The following RPP21 variants were observed in gnomAD, a reference collection of about 807,000 sequenced individuals.
The protein encoded by RPP21 is ribonuclease P protein subunit p21.
A neutral mutation model predicts 19.0 loss-of-function variants in RPP21; 21 were observed. That is an observed-to-expected ratio of 1.11 (90% CI 0.78 to 1.59). The LOEUF is 1.59. Ranked by LOEUF, RPP21 falls within the 40% of genes most tolerant of loss-of-function variation. The pLI is 0.00. For synonymous variants in RPP21, 93 were observed against 78.7 expected, an observed-to-expected ratio of 1.18 and a Z score of -0.96; for missense variants, 215 against 200.2, an observed-to-expected ratio of 1.07 and a Z score of -0.45.
In RPP21 at chr6:30,345,209, G is replaced by A. The variant is rs770064519; in HGVS notation, c.38G>A (p.Arg13Lys). ...GPVKDREAFQRLNFLYQAAHC... is the reference protein window; with the variant it reads ...GPVKDREAFQKLNFLYQAAHC... ...GTGAAGGACCGCGAGGCCTTCCAGA[G>A]GCTCAACTTCCTGTACCAGGTGAGT... Residue 13 changes from arginine to lysine, a missense_variant, in exon 1 of 5, where the codon AGG becomes AAG. Coordinates refer to ENST00000442966, the MANE Select transcript of RPP21 (RefSeq NM_024839.4). 21 of 1,594,432 alleles carry A rather than the reference G, an allele frequency of 1.3e-5. No individual in the cohort carries two copies. Among genetic ancestry groups the A allele is most frequent in the Non-Finnish European group, 1.7e-5 (20 of 1,170,600 alleles).
intron 3 of RPP21, 25 bp downstream of exon 3, chr6:30,345,598 G>C: frequency 7.9e-7 from 1 of 1,260,026 alleles, no homozygotes; most frequent in South Asian, 1.3e-5. Context: ...GGAGGTGGAA[G>C]ACTGCGGAGC....
Position 30,346,789 on chromosome 6 carries a change from T to G in RPP21, c.444T>G (p.Thr148=), listed in dbSNP as rs1060065. ...SDRLPEEKMQ[T]QGSSNQ is the part of the protein sequence containing the mutation. ...GCCTTCCTGAGGAGAAAATGCAGACTCAGGGTTCCAGTAACCAGTGATGGA... is the reference window on the plus strand; with the variant it reads ...GCCTTCCTGAGGAGAAAATGCAGACGCAGGGTTCCAGTAACCAGTGATGGA... Residue 148 remains threonine, a synonymous_variant, in exon 5 of 5, where the codon ACT becomes ACG. Transcript: ENST00000442966. This position sits in a 1 kb window ranked among gnomAD's most constrained non-coding sequence, Gnocchi z 4.7. The G allele has an allele frequency of 0.25, 406,116 of 1,612,646 alleles. 56,259 individuals are homozygous for G. The highest frequency in any genetic ancestry group is 0.51 in the East Asian group (23,015 of 44,844).
At position 30,346,673 on chromosome 6, in the gene RPP21, A is replaced by C. The variant is rs1356043182; in HGVS notation, c.368-40A>C. 2 of 1,614,044 alleles carry C rather than the reference A, an allele frequency of 1.2e-6. No homozygotes were observed. The highest frequency in any genetic ancestry group is 1.7e-6 in the Non-Finnish European group (2 of 1,179,988). ...TTGGTGTGAGAAGTACCACAGTCAG[A>C]AAACTAATTCTGTTTCTCTGATTCT... is the stretch of plus-strand genomic sequence containing the variant. On this transcript the variant is annotated intron_variant, in intron 4 of 4. Coordinates refer to ENST00000442966, the MANE Select transcript of RPP21 (RefSeq NM_024839.4). This position sits in a 1 kb window ranked among gnomAD's most constrained non-coding sequence, Gnocchi z 4.7.
chr6:30,346,444 A>T lies in RPP21; in HGVS notation c.254A>T (p.Gln85Leu), dbSNP rs1788154474. 2.5e-6 allele frequency: 4 copies of T among 1,613,742 alleles called. No individual in the cohort carries two copies. Among genetic ancestry groups the T allele is most frequent in the Non-Finnish European group, 3.4e-6 (4 of 1,179,862 alleles). The change falls in exon 4 of 5, where the codon CAG (glutamine) becomes CTG (leucine). Residue 85 changes from glutamine (Q) to leucine (L), a missense_variant. Coordinates refer to ENST00000442966, the MANE Select transcript of RPP21 (RefSeq NM_024839.4). The surrounding 1 kb of genome is among the most constrained non-coding windows in gnomAD (Gnocchi z 4.7). ...CTQRQRRCRG[Q>L]RWTVQTCLTC... ...ATGTTCACCCTAGGCTGCAGGGGAC[A>T]GCGCTGGACCGTACAGACCTGCCTA... is the stretch of plus-strand genomic sequence containing the variant.
chr6:30,345,354 C>T lies in RPP21; in HGVS notation c.114C>T (p.Tyr38=), dbSNP rs769248075. The T allele has an allele frequency of 1.2e-6, 2 of 1,613,250 alleles. No individual in the cohort carries two copies. Among genetic ancestry groups the T allele is most frequent in the African/African-American group, 1.3e-5 (1 of 74,916 alleles). ...AGAACCAGGCGCTGGCGAGGTTTTA[C>T]TGCTACACTGAGAGGACCATTGCGA... The part of the protein sequence containing the change: ...DPENQALARF[Y]CYTERTIAKR... Residue 38 remains tyrosine (Y), a synonymous_variant, in exon 2 of 5, where the codon TAC becomes TAT. Coordinates refer to ENST00000442966, the MANE Select transcript of RPP21 (RefSeq NM_024839.4).
At chr6:30,345,269 G>T (rs1339129857) in intron 1 of RPP21, 29 bp from the exon 2 acceptor site, 1 of 1,613,326 alleles carries the variant, frequency 6.2e-7, no homozygotes, top group African/African-American at 1.3e-5. Context: ...GGTGCTCGGC[G>T]TCCCAGAGTG....
At position 30,346,161 on chromosome 6, in the gene RPP21, G is replaced by A. The variant is rs562394749; in HGVS notation, c.242-271G>A. The A allele has an allele frequency of 2.3e-6, 1 of 434,462 alleles. No homozygotes were observed. Among genetic ancestry groups the A allele is most frequent in the African/African-American group, 2.0e-5 (1 of 50,450 alleles). 26.9% of individuals were successfully genotyped at this position (434,462 alleles called of 1,614,324 possible). ...CTGTCAAAGAAATGAGAGTTCAGGA[G>A]GCTGGAGTTTGAGGTAGGAGGGCAA... On this transcript the variant is annotated intron_variant, in intron 3 of 4. Coordinates refer to ENST00000442966, the MANE Select transcript of RPP21 (RefSeq NM_024839.4). The surrounding 1 kb of genome is among the most constrained non-coding windows in gnomAD (Gnocchi z 4.7).
chr6:30,346,363 G>A lies in RPP21; in HGVS notation c.242-69G>A. On this transcript the variant is annotated intron_variant, in intron 3 of 4. Transcript: ENST00000442966. This position sits in a 1 kb window ranked among gnomAD's most constrained non-coding sequence, Gnocchi z 4.7. Reference sequence around the variant, plus strand: ...CGGGGATACCTACTGAAAAACACTGGAGGCAAAACTGGCAGCAAGAGACCG... The same window carrying A: ...CGGGGATACCTACTGAAAAACACTGAAGGCAAAACTGGCAGCAAGAGACCG... The A allele has an allele frequency of 6.3e-7, 1 of 1,577,696 alleles. No homozygotes were observed. The highest frequency in any genetic ancestry group is 1.1e-5 in the South Asian group (1 of 87,232).
Position 30,346,537 on chromosome 6 carries a change from C to CAG in RPP21, c.347_348insAG (p.Gln117AlafsTer48). On this transcript the variant is annotated frameshift_variant, in exon 4 of 5. Transcript: ENST00000442966. LOFTEE classifies it low-confidence loss of function (END_TRUNC). This position sits in a 1 kb window ranked among gnomAD's most constrained non-coding sequence, Gnocchi z 4.7. ...TTACTCTGGGGAGACAGGCCTGAGGCCCAGCTCGGGAGCCAAGCAGGTGAG... is the reference window on the plus strand; with the variant it reads ...TTACTCTGGGGAGACAGGCCTGAGGCAGCCAGCTCGGGAGCCAAGCAGGTGAG... 6.2e-7 allele frequency: 1 copy of CAG among 1,614,094 alleles called. No homozygotes were observed.
At position 30,345,580 on chromosome 6, in the gene RPP21, G is replaced by C; in HGVS notation, c.241+7G>C. On this transcript the variant is annotated splice_region_variant and intron_variant, in intron 3 of 4. Transcript: ENST00000442966. Reference sequence around the variant, plus strand: ...TGCACCCAGCGCCAGAGACGTGAGTGCTCCAACGGAGGTGGAAGACTGCGG... The same window carrying C: ...TGCACCCAGCGCCAGAGACGTGAGTCCTCCAACGGAGGTGGAAGACTGCGG... 1 of 1,405,852 alleles carries C rather than the reference G, an allele frequency of 7.1e-7. No homozygotes were observed. The allele number at this position is 1,405,852 out of a possible 1,614,324, so 87.1% of individuals were successfully genotyped here. A position where few individuals can be genotyped will look rare whatever the true frequency, so the allele number is the denominator to read the frequency against.
In RPP21 at chr6:30,346,588, C is replaced by A. The variant is rs576925594; in HGVS notation, c.367+31C>A. 9 of 1,613,930 alleles carry A rather than the reference C, an allele frequency of 5.6e-6. No individual in the cohort carries two copies. The African/African-American group carries it at 1.1e-4, about 19-fold the overall frequency. ...AGGTGAGGGAGAAAATGGAGGACAC[C>A]CCAGAGGATAGGGACAATGGAGAAC... On this transcript the variant is annotated intron_variant, in intron 4 of 4. Transcript: ENST00000442966. The surrounding 1 kb of genome is among the most constrained non-coding windows in gnomAD (Gnocchi z 4.7).
intron 3 of RPP21, 195 bp downstream of exon 3, chr6:30,345,768 T>G: frequency 1.6e-6 from 1 of 620,058 alleles, no homozygotes; most frequent in South Asian, 2.9e-5. Flanking sequence ...GGGTTTGGGC[T>G]CGGCTGTTTT....
Position 30,346,711 on chromosome 6 carries a change from A to G in RPP21, c.368-2A>G, listed in dbSNP as rs1271381481. ...TTTCTCTGATTCTGCTCATTTACTC[A>G]GATTCCAAACCACTACAACCCTTGC... On this transcript the variant is annotated splice_acceptor_variant, in intron 4 of 4. Transcript: ENST00000442966. LOFTEE classifies it high-confidence loss of function. The surrounding 1 kb of genome is among the most constrained non-coding windows in gnomAD (Gnocchi z 4.7). 3 of 1,613,666 alleles carry G rather than the reference A, an allele frequency of 1.9e-6. No homozygotes were observed. The South Asian group carries it at 3.3e-5, about 18-fold the overall frequency.
chr6:30,346,595 G>A lies in RPP21; in HGVS notation c.367+38G>A, dbSNP rs1384130299. On this transcript the variant is annotated intron_variant, in intron 4 of 4. Transcript: ENST00000442966. The surrounding 1 kb of genome is among the most constrained non-coding windows in gnomAD (Gnocchi z 4.7). ...GGAGAAAATGGAGGACACCCCAGAGGATAGGGACAATGGAGAACGTAGAGT... is the reference window on the plus strand; with the variant it reads ...GGAGAAAATGGAGGACACCCCAGAGAATAGGGACAATGGAGAACGTAGAGT... 6.2e-7 allele frequency: 1 copy of A among 1,614,106 alleles called. No homozygotes were observed. Among genetic ancestry groups the A allele is most frequent in the Admixed American group, 1.7e-5 (1 of 60,020 alleles).
Position 30,346,191 on chromosome 6 carries a change from T to G in RPP21, c.242-241T>G. ...GAGTTTGAGGTAGGAGGGCAAAACA[T>G]GAGACTGGAGGGGGAAACAGGCCAG... On this transcript the variant is annotated intron_variant, in intron 3 of 4. Coordinates refer to ENST00000442966, the MANE Select transcript of RPP21 (RefSeq NM_024839.4). This position sits in a 1 kb window ranked among gnomAD's most constrained non-coding sequence, Gnocchi z 4.7. The G allele has an allele frequency of 1.7e-6, 1 of 585,902 alleles. No individual in the cohort carries two copies. The highest frequency in any genetic ancestry group is 2.7e-6 in the Non-Finnish European group (1 of 368,198). 36.3% of individuals were successfully genotyped at this position (585,902 alleles called of 1,614,324 possible). A position where few individuals can be genotyped will look rare whatever the true frequency, so the allele number is the denominator to read the frequency against.
Position 30,346,808 on chromosome 6 carries a change from TGATGG to T in RPP21, c.464_*3del. The T allele has an allele frequency of 6.2e-7, 1 of 1,613,180 alleles. No homozygotes were observed. The highest frequency in any genetic ancestry group is 8.5e-7 in the Non-Finnish European group (1 of 1,180,020). ...GCAGACTCAGGGTTCCAGTAACCAGTGATGGATTCACCCCATCTCCCAAATAAAGT... is the reference window on the plus strand; with the variant it reads ...GCAGACTCAGGGTTCCAGTAACCAGTATTCACCCCATCTCCCAAATAAAGT... On this transcript the variant is annotated stop_lost and 3_prime_UTR_variant, in exon 5 of 5. Transcript: ENST00000442966. The surrounding 1 kb of genome is among the most constrained non-coding windows in gnomAD (Gnocchi z 4.7).
In RPP21 at chr6:30,345,415, G is replaced by C. The variant is rs781030219; in HGVS notation, c.158+17G>C. 1 of 1,611,722 alleles carries C rather than the reference G, an allele frequency of 6.2e-7. No individual in the cohort carries two copies. The highest frequency in any genetic ancestry group is 1.1e-5 in the South Asian group (1 of 91,020). ...CTTGCGGCGGTGAGACAGCCACGGG[G>C]CGGGCGGCGGGCGGGACGCGGGAGG... On this transcript the variant is annotated intron_variant, in intron 2 of 4. Coordinates refer to ENST00000442966, the MANE Select transcript of RPP21 (RefSeq NM_024839.4).
At chr6:30,345,596 A>T in intron 3 of RPP21, 23 bp downstream of exon 3, 8 of 1,433,372 alleles carry the variant, frequency 5.6e-6, no homozygotes, top group Non-Finnish European at 7.4e-6. Context: ...ACGGAGGTGG[A>T]AGACTGCGGA....
In RPP21 at chr6:30,345,336, G is replaced by A. The variant is rs1375593382; in HGVS notation, c.96G>A (p.Gln32=). The change falls in exon 2 of 5, where the codon CAG becomes CAA. Residue 32 remains glutamine (Q), a synonymous_variant. Transcript: ENST00000442966. The part of the protein sequence containing the change: ...HCVLAQDPEN[Q]ALARFYCYTE... The stretch of plus-strand genomic sequence containing the variant: ...TCCTTGCCCAGGACCCCGAGAACCA[G>A]GCGCTGGCGAGGTTTTACTGCTACA... 2 of 1,613,490 alleles carry A rather than the reference G, an allele frequency of 1.2e-6. No individual in the cohort carries two copies. The highest frequency in any genetic ancestry group is 1.7e-6 in the Non-Finnish European group (2 of 1,179,928).
Sources: allele counts gnomAD v4.1 joint callset, GRCh38; gene constraint gnomAD v4.1.1; non-coding constraint Gnocchi (gnomAD v3.1); transcripts MANE v1.5; gene names NCBI Gene and HGNC (gene_info 2026-07-23, HGNC 2026-07-21).